HECW1: variants seen among roughly 807,000 people sequenced by gnomAD.
HECW1 encodes the protein HECT, C2 and WW domain containing E3 ubiquitin protein ligase 1.
A neutral mutation model predicts 182.3 loss-of-function variants in HECW1; 61 were observed. The ratio of observed to expected loss-of-function variants is 0.33; its 90% CI spans 0.27 to 0.41. HECW1 has a LOEUF of 0.41. Ranked by LOEUF, HECW1 falls within the 10% of genes least tolerant of loss-of-function variation. The probability of loss-of-function intolerance (pLI) is 1.00; values close to 1 mark genes in which losing one functional copy is unlikely to be tolerated. For synonymous variants in HECW1, 859 were observed against 832.6 expected, an observed-to-expected ratio of 1.03 and a Z score of -0.55; for missense variants, 1,739 against 2,108.9, an observed-to-expected ratio of 0.82 and a Z score of 3.44.
Position 43,562,697 on chromosome 7 carries a change from A to G in HECW1, c.*771A>G. The G allele has an allele frequency of 4.5e-6, 1 of 223,854 alleles. No homozygotes were observed. The highest frequency in any genetic ancestry group is 8.9e-6 in the Non-Finnish European group (1 of 111,878). 13.9% of individuals were successfully genotyped at this position (223,854 alleles called of 1,614,324 possible). Reference sequence around the variant, plus strand: ...CATCCCTAGTGAATACTCACACCACAAGAAGGACAAACTTGTGCACATGTC... The same window carrying G: ...CATCCCTAGTGAATACTCACACCACGAGAAGGACAAACTTGTGCACATGTC... On this transcript the variant is annotated 3_prime_UTR_variant, in exon 30 of 30. Transcript: ENST00000395891.
At chr7:43,338,687 G>A (rs547658685) in intron 5 of HECW1, among the ~76,000 whole-genome samples, 1 of 152,294 alleles carries the variant, frequency 6.6e-6, no homozygotes, top group South Asian at 2.1e-4. Flanking sequence ...CAGAGCTTAT[G>A]AATTTTTCAG....
intron 6 of HECW1, among the ~76,000 whole-genome samples, chr7:43,381,551 C>T (rs112892664): frequency 0.024 from 3,564 of 148,336 alleles, 119 homozygotes; most frequent in African/African-American, 0.076. Context: ...TGCAGTGGTG[C>T]GATATCCGCT....
chr7:43,210,087 C>A (rs1795868191), intron 2 of HECW1, among the ~76,000 whole-genome samples: 4 of 152,172 alleles, frequency 2.6e-5, no homozygotes, highest in African/African-American at 9.6e-5. Flanking sequence ...CTGGCAGTTT[C>A]CTGGCCTGAG....
At chr7:43,504,240 G>C (rs1271629457) in intron 21 of HECW1, among the ~76,000 whole-genome samples, 1 of 152,112 alleles carries the variant, frequency 6.6e-6, no homozygotes, top group Non-Finnish European at 1.5e-5. Context: ...TGTCTGCAAT[G>C]ACTTTCTCCT....
chr7:43,311,836 G>A lies in HECW1; in HGVS notation c.101G>A (p.Arg34Gln), dbSNP rs759067258. 5 of 1,613,998 alleles carry A rather than the reference G, an allele frequency of 3.1e-6. No homozygotes were observed. The highest frequency in any genetic ancestry group is 1.7e-5 in the Admixed American group (1 of 60,006). Reference protein sequence around the residue: ...SPSRNSQSRRRCKEPLRYSYN... With the variant: ...SPSRNSQSRRQCKEPLRYSYN... Reference sequence around the variant, plus strand: ...TCTAGAAACTCCCAGAGCCGACGCCGGTGCAAGGAGCCGCTCCGATACAGC... The same window carrying A: ...TCTAGAAACTCCCAGAGCCGACGCCAGTGCAAGGAGCCGCTCCGATACAGC... Residue 34 changes from arginine to glutamine, a missense_variant, in exon 4 of 30, where the codon CGG becomes CAG. Physicochemically the swap from Arg to Gln is conservative, Grantham distance 43 (BLOSUM62 1). Transcript: ENST00000395891.
At position 43,438,058 on chromosome 7, in the gene HECW1, A is replaced by G; in HGVS notation, c.857A>G (p.Lys286Arg). The G allele has an allele frequency of 6.2e-7, 1 of 1,614,090 alleles. No individual in the cohort carries two copies. Among genetic ancestry groups the G allele is most frequent in the Non-Finnish European group, 8.5e-7 (1 of 1,180,006 alleles). The part of the protein sequence containing the change: ...TDVLEIEVKD[K>R]FAKSRPIIKR... ...GTGCTGGAAATTGAGGTGAAGGACA[A>G]GTTTGCCAAGAGCCGCCCCATCATC... is the stretch of plus-strand genomic sequence containing the variant. The change falls in exon 9 of 30, where the codon AAG becomes AGG. Residue 286 changes from lysine to arginine, a missense_variant. Around this residue, in one of 5 missense-constraint regions of HECW1, gnomAD observed 66 missense variants for 113.8 expected, o/e 0.58. Transcript: ENST00000395891.
At chr7:43,400,471 A>G (rs765013690) in intron 7 of HECW1, among the ~76,000 whole-genome samples, 1 of 152,194 alleles carries the variant, frequency 6.6e-6, no homozygotes, top group South Asian at 2.1e-4. Flanking sequence ...TGACTTGAAC[A>G]ATGTGTGGAG....
chr7:43,524,748 G>T (rs1465012180), intron 24 of HECW1, among the ~76,000 whole-genome samples: 1 of 152,212 alleles, frequency 6.6e-6, no homozygotes. Context: ...AGAGACTGTG[G>T]AGACCCAGGT....
intron 2 of HECW1, among the ~76,000 whole-genome samples, chr7:43,211,053 C>T (rs374736951): frequency 5.3e-5 from 8 of 152,270 alleles, no homozygotes; most frequent in Admixed American, 2.6e-4. Context: ...TGCTCTCAGG[C>T]GATAGATGAT....
At chr7:43,273,474 A>G (rs892908742) in intron 3 of HECW1, among the ~76,000 whole-genome samples, 16 of 152,222 alleles carry the variant, frequency 1.1e-4, no homozygotes, top group Admixed American at 9.2e-4. Context: ...ATATTTGAGT[A>G]AAGAATATAT....
rs201771274 is a variant in HECW1 at position 43,396,844 on chromosome 7, G to A, written c.586G>A (p.Val196Ile). 1.4e-4 allele frequency: 218 copies of A among 1,612,770 alleles called. No homozygotes were observed. The highest frequency in any genetic ancestry group is 2.9e-4 in the East Asian group (13 of 44,862). ...IFKSIGADET[V>I]QGQGSRRLIS... Reference sequence around the variant, plus strand: ...TAAAAGCATTGGTGCTGATGAGACCGTCCAAGGACAAGGAAGTCGGAGGCT... The same window carrying A: ...TAAAAGCATTGGTGCTGATGAGACCATCCAAGGACAAGGAAGTCGGAGGCT... The change falls in exon 7 of 30, where the codon GTC becomes ATC. Residue 196 changes from valine (V) to isoleucine (I), a missense_variant. Val to Ile is a conservative substitution (Grantham distance 29, BLOSUM62 3). This residue lies in a region of HECW1 where 279 missense variants were observed against 353.1 expected (regional missense o/e 0.79). Coordinates refer to ENST00000395891, the MANE Select transcript of HECW1 (RefSeq NM_015052.5).
At chr7:43,401,587 C>T (rs73689999) in intron 7 of HECW1, among the ~76,000 whole-genome samples, 76,484 of 131,886 alleles carry the variant, frequency 0.58, 21,268 homozygotes, top group Middle Eastern at 0.64. Context: ...TTTTTTTTTT[C>T]CCCCAAATAT....
chr7:43,448,818 G>A (rs73098710), intron 11 of HECW1, among the ~76,000 whole-genome samples: 23,288 of 152,188 alleles, frequency 0.15, 1,890 homozygotes, highest in Middle Eastern at 0.23. Flanking sequence ...TTAAAACGAC[G>A]TTGCTTGCTT....
At chr7:43,345,827 C>T (rs1426792640) in intron 5 of HECW1, among the ~76,000 whole-genome samples, 1 of 136,704 alleles carries the variant, frequency 7.3e-6, no homozygotes, top group Non-Finnish European at 1.6e-5. Flanking sequence ...CACACACACA[C>T]ATCATATATA....
chr7:43,520,508 G>A (rs530026035), intron 24 of HECW1, among the ~76,000 whole-genome samples: 4 of 152,180 alleles, frequency 2.6e-5, no homozygotes, highest in African/African-American at 7.2e-5. Flanking sequence ...ATTTACATGG[G>A]CGCAAATTTC....
chr7:43,337,250 T>C (rs1211358375), intron 5 of HECW1, among the ~76,000 whole-genome samples: 1 of 152,354 alleles, frequency 6.6e-6, no homozygotes, highest in East Asian at 1.9e-4. Context: ...ACTAGTATAA[T>C]ATCTCACTGT....
intron 3 of HECW1, among the ~76,000 whole-genome samples, chr7:43,255,490 A>G (rs1800460678): frequency 6.6e-6 from 1 of 151,846 alleles, no homozygotes; most frequent in African/African-American, 2.4e-5. Flanking sequence ...CCAGCTACTC[A>G]GGAGGCTGAG....
At chr7:43,229,355 G>T (rs965164540) in intron 2 of HECW1, among the ~76,000 whole-genome samples, 2 of 152,074 alleles carry the variant, frequency 1.3e-5, no homozygotes, top group African/African-American at 4.8e-5. Flanking sequence ...ATTATCATTA[G>T]CAAACTAACA....
intron 12 of HECW1, 79 bp from the exon 13 acceptor site, chr7:43,456,217 AG>A: frequency 7.0e-7 from 1 of 1,431,928 alleles, no homozygotes; most frequent in Non-Finnish European, 9.6e-7. Context: ...TACCTGCAGA[AG>A]ACTTGGAAGT....
Sources: gnomAD v4.1 joint callset for allele counts (sites outside exome capture counted in the v4.1 genomes callset) on GRCh38, gnomAD v4.1.1 for gene constraint, gnomAD v4.1.1 regional missense constraint, MANE v1.5 for transcripts, NCBI Gene and HGNC (gene_info 2026-07-23, HGNC 2026-07-21) for gene names.